The following HAVCR1 variants were observed in gnomAD, a reference collection of about 807,000 sequenced individuals.
The protein encoded by HAVCR1 is T cell immunoglobin domain and mucin domain protein 1.
A neutral mutation model predicts 32.0 loss-of-function variants in HAVCR1; 34 were observed. The ratio of observed to expected loss-of-function variants is 1.06; its 90% CI spans 0.81 to 1.42. The LOEUF is 1.42. HAVCR1 is among the 40% of genes most tolerant of loss of function. HAVCR1 has a pLI of 0.00. For missense variants in HAVCR1, 420 were observed against 442.3 expected (o/e 0.95, Z 0.45); for synonymous variants, 178 against 170.3 (o/e 1.05, Z -0.35).
At chr5:157,029,930 G>T in intron 8 of HAVCR1, 89 bp from the exon 9 acceptor site, 4 of 1,039,924 alleles carry the variant, frequency 3.8e-6, no homozygotes, top group Non-Finnish European at 5.6e-6. Flanking sequence ...TTATGATCAG[G>T]CAATATCAGG....
chr5:157,055,311 A>G lies in HAVCR1; in HGVS notation c.269T>C (p.Leu90Ser). ...LGDLSRRDVS[L>S]TIENTAVSDS... ...AGACACAGCTGTATTTTCTATGGTC[A>G]AAGAGACATCCCTTCTTGAAAGGTC... is the stretch of plus-strand genomic sequence containing the variant. The change falls in exon 3 of 9, where the codon TTG becomes TCG. Residue 90 changes from leucine to serine, a missense_variant. Physicochemically the swap from Leu to Ser is moderately radical, Grantham distance 145 (BLOSUM62 -2). Transcript: ENST00000523175. The G allele has an allele frequency of 4.3e-6, 7 of 1,613,350 alleles. No individual in the cohort carries two copies. The highest frequency in any genetic ancestry group is 5.9e-6 in the Non-Finnish European group (7 of 1,179,234).
intron 5 of HAVCR1, among the ~76,000 whole-genome samples, chr5:157,044,615 G>GAAAAAGAAAGAAAGAAAGAA (rs760337335): frequency 5.7e-5 from 3 of 52,658 alleles, no homozygotes; most frequent in African/African-American, 1.9e-4. Context: ...AAGAAAGAAA[G>GAAAAAGAAAGAAAGAAAGAA]AGAAAGAAAG....
chr5:157,052,201 A>G (rs974961196), intron 4 of HAVCR1, among the ~76,000 whole-genome samples, 160 bp downstream of exon 4: 4 of 152,206 alleles, frequency 2.6e-5, no homozygotes, highest in Non-Finnish European at 5.9e-5. Context: ...GACGCATACA[A>G]CTTGGGAGTT....
At chr5:157,045,204 G>C (rs181668858) in intron 5 of HAVCR1, among the ~76,000 whole-genome samples, 1 of 148,240 alleles carries the variant, frequency 6.7e-6, no homozygotes, top group African/African-American at 2.5e-5. Flanking sequence ...AAAGCTATGG[G>C]AATTTAGTCT....
In HAVCR1 at chr5:157,052,557, C is replaced by CGCT. The variant is rs139041445; in HGVS notation, c.476_477insAGC (p.Thr159_Thr160insAla). The CGCT allele has an allele frequency of 1.4e-6, 1 of 723,256 alleles. No individual in the cohort carries two copies. Among genetic ancestry groups the CGCT allele is most frequent in the Non-Finnish European group, 2.0e-6 (1 of 510,646 alleles). The allele number at this position is 723,256 out of a possible 1,614,324, so 44.8% of individuals were successfully genotyped here. A position where few individuals can be genotyped will look rare whatever the true frequency, so the allele number is the denominator to read the frequency against. ...TTGGAACAGTTGTCGTTGGAACAGTCGTCATTGGAACAGTCGTTGTCGTTG... is the reference window on the plus strand; with the variant it reads ...TTGGAACAGTTGTCGTTGGAACAGTCGCTGTCATTGGAACAGTCGTTGTCGTTG... On this transcript the variant is annotated inframe_insertion, in exon 4 of 9. Coordinates refer to ENST00000523175, the MANE Select transcript of HAVCR1 (RefSeq NM_001173393.3).
At chr5:157,067,939 A>C in the HAVCR1 span, among the ~76,000 whole-genome samples, 19 of 150,976 alleles carry the variant, frequency 1.3e-4, no homozygotes, top group East Asian at 2.8e-3. Context: ...CGGCCTCCCA[A>C]AGTGCTGGGA....
At chr5:157,068,866 C>T in the HAVCR1 span, among the ~76,000 whole-genome samples, 1 of 152,198 alleles carries the variant, frequency 6.6e-6, no homozygotes, top group Admixed American at 6.5e-5. Flanking sequence ...CTGCTTCAGA[C>T]TCCCAGAGCA....
chr5:157,032,412 G>A (rs901000935), intron 8 of HAVCR1, among the ~76,000 whole-genome samples: 2 of 152,210 alleles, frequency 1.3e-5, no homozygotes, highest in Non-Finnish European at 1.5e-5. Flanking sequence ...CAGCTACTGG[G>A]GAGGCTGAGG....
chr5:157,067,973 C>T, the HAVCR1 span, among the ~76,000 whole-genome samples: 6 of 151,866 alleles, frequency 4.0e-5, no homozygotes, highest in South Asian at 4.2e-4. Flanking sequence ...CCACCACTCC[C>T]GGTGAGCAAG....
At chr5:157,063,567 G>T (rs1371752398), upstream of HAVCR1, among the ~76,000 whole-genome samples, 1 of 151,318 alleles carries the variant, frequency 6.6e-6, no homozygotes. Flanking sequence ...TTATAGGCGT[G>T]AGCACCACTC....
At chr5:157,036,206 TG>T (rs1754519493) in intron 7 of HAVCR1, among the ~76,000 whole-genome samples, 1 of 151,972 alleles carries the variant, frequency 6.6e-6, no homozygotes, top group African/African-American at 2.4e-5. Flanking sequence ...CGGCCGGGCG[TG>T]GTGGCTCATG....
At chr5:157,038,697 T>TG (rs1415144504) in intron 6 of HAVCR1, among the ~76,000 whole-genome samples, 3 of 152,042 alleles carry the variant, frequency 2.0e-5, no homozygotes, top group East Asian at 3.9e-4. Context: ...ACCTACAGGG[T>TG]GGGAGGGAAG....
At chr5:157,041,990 C>T (rs1286131618) in intron 6 of HAVCR1, among the ~76,000 whole-genome samples, 3 of 151,574 alleles carry the variant, frequency 2.0e-5, no homozygotes, top group African/African-American at 4.9e-5. Context: ...ACCCAGGAGG[C>T]GGAGGTTGCA....
intron 3 of HAVCR1, among the ~76,000 whole-genome samples, chr5:157,054,190 C>CA (rs900551230): frequency 0.15 from 6,235 of 40,286 alleles, 428 homozygotes; most frequent in African/African-American, 0.23. Context: ...GACTCCATCT[C>CA]AAAAAAAAAA....
In HAVCR1 at chr5:157,042,626, C is replaced by G. The variant is rs756164801; in HGVS notation, c.837+1G>C. The G allele has an allele frequency of 1.9e-6, 3 of 1,571,660 alleles. No individual in the cohort carries two copies. The highest frequency in any genetic ancestry group is 2.6e-6 in the Non-Finnish European group (3 of 1,142,994). On this transcript the variant is annotated splice_donor_variant, in intron 6 of 8. Transcript: ENST00000523175. LOFTEE classifies it high-confidence loss of function. ...AATCAAATAGGGCGGAATATGCTTA[C>G]AGTTTGATTGTTATTCCAAAGGCCA...
chr5:157,030,561 A>G (rs905212), intron 8 of HAVCR1, among the ~76,000 whole-genome samples: 133,608 of 151,940 alleles, frequency 0.88, 58,849 homozygotes, highest in East Asian at 0.99. Flanking sequence ...GCTGAGACAG[A>G]AGAATCACTT....
intron 4 of HAVCR1, among the ~76,000 whole-genome samples, chr5:157,051,942 T>C (rs1192365718): frequency 1.3e-5 from 2 of 152,300 alleles, no homozygotes; most frequent in East Asian, 3.9e-4. Context: ...AAGGTCTGCT[T>C]TCAGAATGGA....
intron 5 of HAVCR1, among the ~76,000 whole-genome samples, chr5:157,047,993 A>T (rs1755509243): frequency 1.3e-5 from 2 of 152,082 alleles, no homozygotes; most frequent in African/African-American, 4.8e-5. Context: ...ATGGGGAAAA[A>T]ACTCCACACA....
intron 7 of HAVCR1, among the ~76,000 whole-genome samples, chr5:157,034,623 C>T (rs987169225): frequency 6.6e-6 from 1 of 151,894 alleles, no homozygotes; most frequent in African/African-American, 2.4e-5. Flanking sequence ...GGCCATATCT[C>T]GGGCTGTCTC....
Sources: allele counts gnomAD v4.1 joint callset (sites outside exome capture counted in the v4.1 genomes callset), GRCh38; gene constraint gnomAD v4.1.1; transcripts MANE v1.5; gene names NCBI Gene and HGNC (gene_info 2026-07-23, HGNC 2026-07-21).